Variants in EPHA5 observed in about 807,000 individuals in gnomAD.
The protein encoded by EPHA5 is EPH receptor A5.
A neutral mutation model predicts 105.0 loss-of-function variants in EPHA5; 60 were observed. That is an observed-to-expected ratio of 0.57 (90% CI 0.46 to 0.71). The LOEUF (loss-of-function observed/expected upper bound fraction) is 0.71. Ranked by LOEUF, EPHA5 falls within the 30% of genes least tolerant of loss-of-function variation. The probability of loss-of-function intolerance (pLI) is 0.00; values close to 1 mark genes in which losing one functional copy is unlikely to be tolerated. For missense variants in EPHA5, 1,218 were observed against 1,274.7 expected, an observed-to-expected ratio of 0.96 and a Z score of 0.68; for synonymous variants, 513 against 449.1, an observed-to-expected ratio of 1.14 and a Z score of -1.80.
intron 3 of EPHA5, among the ~76,000 whole-genome samples, chr4:65,532,786 A>G (rs1036739141): frequency 1.3e-5 from 2 of 151,448 alleles, no homozygotes; most frequent in African/African-American, 4.9e-5. Flanking sequence ...TTCCAAAATT[A>G]TACTTTCAGA....
chr4:65,399,068 G>C (rs997635439), intron 8 of EPHA5, among the ~76,000 whole-genome samples: 3 of 152,102 alleles, frequency 2.0e-5, no homozygotes, highest in Non-Finnish European at 2.9e-5. Flanking sequence ...CAACCCTTTG[G>C]GGAGCCCAGA....
At chr4:65,450,353 G>A (rs895570324) in intron 5 of EPHA5, among the ~76,000 whole-genome samples, 2 of 152,094 alleles carry the variant, frequency 1.3e-5, no homozygotes, top group Admixed American at 1.3e-4. Flanking sequence ...TTTTATGTAA[G>A]CTTTTGTTTC....
At chr4:65,377,619 C>A (rs143319047) in intron 8 of EPHA5, among the ~76,000 whole-genome samples, 20 of 151,978 alleles carry the variant, frequency 1.3e-4, no homozygotes, top group Non-Finnish European at 2.4e-4. Context: ...TTTTACATTT[C>A]CAGATTTAAA....
chr4:65,423,159 T>A (rs934676549), intron 5 of EPHA5, among the ~76,000 whole-genome samples: 1 of 152,050 alleles, frequency 6.6e-6, no homozygotes, highest in Admixed American at 6.6e-5. Flanking sequence ...TCAACTGGGA[T>A]TAATTTAATG....
intron 5 of EPHA5, 68 bp downstream of exon 5, chr4:65,490,309 C>T (rs1359770781): frequency 8.3e-6 from 12 of 1,441,512 alleles, no homozygotes; most frequent in Admixed American, 1.8e-5. Context: ...TCAACTTGGC[C>T]GTCAGCTATG....
intron 5 of EPHA5, among the ~76,000 whole-genome samples, chr4:65,428,627 T>G (rs1472361263): frequency 2.6e-5 from 4 of 152,092 alleles, no homozygotes; most frequent in Non-Finnish European, 4.4e-5. Context: ...AGACGGTATC[T>G]GTTTTAATAA....
At chr4:65,514,974 C>T (rs575547119) in intron 3 of EPHA5, among the ~76,000 whole-genome samples, 1 of 152,204 alleles carries the variant, frequency 6.6e-6, no homozygotes, top group African/African-American at 2.4e-5. Flanking sequence ...TCAAATCAAA[C>T]GTTGTGATTA....
At chr4:65,397,291 C>T (rs1014904292) in intron 8 of EPHA5, among the ~76,000 whole-genome samples, 9 of 152,142 alleles carry the variant, frequency 5.9e-5, no homozygotes, top group African/African-American at 2.2e-4. Context: ...ATACAGCTCC[C>T]CTCTCCTCTC....
chr4:65,468,046 G>A (rs192734070), intron 5 of EPHA5, among the ~76,000 whole-genome samples: 57 of 152,250 alleles, frequency 3.7e-4, no homozygotes, highest in African/African-American at 1.3e-3. Flanking sequence ...AGTCAGAGAA[G>A]ATACTACTGG....
At chr4:65,655,169 A>G (rs1189907889) in intron 1 of EPHA5, among the ~76,000 whole-genome samples, 2 of 151,906 alleles carry the variant, frequency 1.3e-5, no homozygotes, top group East Asian at 3.9e-4. Flanking sequence ...TTTATTAACA[A>G]TAGAAACCAT....
intron 8 of EPHA5, among the ~76,000 whole-genome samples, chr4:65,392,548 C>T (rs982165544): frequency 2.6e-5 from 4 of 152,042 alleles, no homozygotes; most frequent in African/African-American, 7.2e-5. Context: ...TGCTGCTTGA[C>T]GTCACCGGGT....
chr4:65,548,036 A>G (rs1486678609), intron 3 of EPHA5, among the ~76,000 whole-genome samples: 1 of 151,638 alleles, frequency 6.6e-6, no homozygotes, highest in East Asian at 1.9e-4. Flanking sequence ...CAAATAAAAT[A>G]TACAACACAT....
rs558588693 is a variant in EPHA5 at position 65,331,346 on chromosome 4, T to A, written c.2945+627A>T. Reference sequence around the variant, plus strand: ...CTTAATATTTAACTCTAGTGATTTTTATTTAATAAGGTTTGATAAATTTTA... The same window carrying A: ...CTTAATATTTAACTCTAGTGATTTTAATTTAATAAGGTTTGATAAATTTTA... On this transcript the variant is annotated intron_variant, in intron 16 of 16. Transcript: ENST00000613740. The A allele has an allele frequency of 2.9e-6, 3 of 1,038,464 alleles. No individual in the cohort carries two copies. The South Asian group carries it at 1.4e-4, about 48-fold the overall frequency. The allele number at this position is 1,038,464 out of a possible 1,614,324, so 64.3% of individuals were successfully genotyped here.
intron 3 of EPHA5, among the ~76,000 whole-genome samples, chr4:65,504,152 C>T (rs1732769835): frequency 6.6e-6 from 1 of 151,256 alleles, no homozygotes; most frequent in Admixed American, 6.6e-5. Context: ...TGTTTTATCA[C>T]ATAGTATCAA....
chr4:65,578,294 A>G (rs1406308139), intron 3 of EPHA5, among the ~76,000 whole-genome samples: 2 of 152,122 alleles, frequency 1.3e-5, no homozygotes, highest in Non-Finnish European at 2.9e-5. Context: ...TGCTAATTCC[A>G]AACTTCTTCC....
Position 65,324,025 on chromosome 4 carries a change from C to A in EPHA5, c.*89G>T. 1 of 845,662 alleles carries A rather than the reference C, an allele frequency of 1.2e-6. No individual in the cohort carries two copies. Among genetic ancestry groups the A allele is most frequent in the Non-Finnish European group, 1.9e-6 (1 of 525,622 alleles). The allele number at this position is 845,662 out of a possible 1,614,324, so 52.4% of individuals were successfully genotyped here. A position where few individuals can be genotyped will look rare whatever the true frequency, so the allele number is the denominator to read the frequency against. ...CTAAGGTTTAGAAATCACTGTTTTC[C>A]CTTTTCCCCCTTTTTTTGTTAAAAT... On this transcript the variant is annotated 3_prime_UTR_variant, in exon 17 of 17. Coordinates refer to ENST00000613740, the MANE Select transcript of EPHA5 (RefSeq NM_001281766.3).
chr4:65,478,684 C>A (rs1243087123), intron 5 of EPHA5, among the ~76,000 whole-genome samples: 2 of 152,098 alleles, frequency 1.3e-5, no homozygotes, highest in African/African-American at 4.8e-5. Context: ...GCTGGCCAGG[C>A]TGGTCTCAAA....
chr4:65,490,831 A>T (rs1731334492), intron 4 of EPHA5, 119 bp from the exon 5 acceptor site: 1 of 1,074,720 alleles, frequency 9.3e-7, no homozygotes, highest in Admixed American at 2.7e-5. Flanking sequence ...CCTTTAAGTC[A>T]TAATTTGTAG....
chr4:65,592,589 AC>A (rs1742775511), intron 3 of EPHA5, among the ~76,000 whole-genome samples: 1 of 152,172 alleles, frequency 6.6e-6, no homozygotes, highest in African/African-American at 2.4e-5. Flanking sequence ...TTACCTGATA[AC>A]CTCCTAATGG....
Sources: allele counts gnomAD v4.1 joint callset (sites outside exome capture counted in the v4.1 genomes callset), GRCh38; gene constraint gnomAD v4.1.1; transcripts MANE v1.5; gene names NCBI Gene and HGNC (gene_info 2026-07-23, HGNC 2026-07-21).